Variants in MCF2 observed in about 807,000 individuals in gnomAD.
MCF2 encodes MCF.2 cell line derived transforming sequence, also known as proto-oncogene DBL.
In MCF2, 44 loss-of-function variants were observed where a neutral mutation model predicts 82.5. The ratio of observed to expected loss-of-function variants is 0.53; its 90% confidence interval spans 0.42 to 0.69. The LOEUF is 0.69. Among genes scored for constraint, MCF2 ranks in the 30% least tolerant of loss-of-function variants. MCF2 has a pLI of 0.00. For synonymous variants in MCF2, 217 were observed against 224.9 expected (o/e 0.96, Z 0.32); for missense variants, 623 against 663.1 (o/e 0.94, Z 0.66).
At chrX:139,605,053 T>C (rs1858924140) in intron 13 of MCF2, 69 bp from the exon 18 acceptor site, 4 of 496,167 alleles carry the variant, frequency 8.1e-6, no homozygotes, top group African/African-American at 7.1e-5. Flanking sequence ...CTACTAATGG[T>C]GTAGGTACAG....
chrX:139,606,049 T>A (rs1930984582), intron 12 of MCF2, among the ~76,000 whole-genome samples: 1 of 104,989 alleles, frequency 9.5e-6, no homozygotes, highest in South Asian at 4.2e-4. Flanking sequence ...CTTTCTTTCA[T>A]ATATATACAC....
chrX:139,629,210 C>T (rs895246536), intron 4 of MCF2, among the ~76,000 whole-genome samples: 2 of 111,947 alleles, frequency 1.8e-5, no homozygotes, highest in Non-Finnish European at 3.8e-5. Flanking sequence ...AAGCTACAAA[C>T]CTGTACAGCA....
chrX:139,638,737 A>C (rs1193739470), intron 1 of MCF2, among the ~76,000 whole-genome samples: 1 of 111,833 alleles, frequency 8.9e-6, no homozygotes, highest in Non-Finnish European at 1.9e-5. Flanking sequence ...ACAATTTGCA[A>C]CCTCTGAACC....
chrX:139,651,764 T>G (rs2057626884), exon 2 of MCF2: 1 of 1,157,514 alleles, frequency 8.6e-7, no homozygotes, highest in African/African-American at 1.8e-5. Flanking sequence ...ACTGATGTCC[T>G]TTATACGGAG....
At chrX:139,652,888 A>G (rs1216154818) in intron 1 of MCF2, among the ~76,000 whole-genome samples, 1 of 110,637 alleles carries the variant, frequency 9.0e-6, no homozygotes, top group Non-Finnish European at 1.9e-5. Flanking sequence ...TAAAAAAAAA[A>G]GTTCTCAATG....
intron 3 of MCF2, 24 bp downstream of exon 6, chrX:139,631,371 A>G: frequency 9.6e-6 from 9 of 940,742 alleles, no homozygotes; most frequent in Non-Finnish European, 1.4e-5. Context: ...TATAGGCTCT[A>G]CAGTAAGGGC....
intron 19 of MCF2, 41 bp downstream of exon 23, chrX:139,596,508 A>G: frequency 2.9e-6 from 3 of 1,046,039 alleles, no homozygotes; most frequent in Non-Finnish European, 4.0e-6. Flanking sequence ...AGACACACAC[A>G]CACGAAACAA....
chrX:139,626,349 C>CTGTTTTGT (rs1409591104), intron 5 of MCF2, 42 bp from the exon 9 acceptor site: 1 of 836,672 alleles, frequency 1.2e-6, no homozygotes, highest in Non-Finnish European at 1.8e-6. Context: ...AAGCAACTAT[C>CTGTTTTGT]TGTTTTGTAA....
At chrX:139,662,984 T>TA (rs1280099818) in intron 1 of MCF2, among the ~76,000 whole-genome samples, 1 of 112,380 alleles carries the variant, frequency 8.9e-6, no homozygotes, top group East Asian at 2.8e-4. Flanking sequence ...TTTCATTTTT[T>TA]ATGACCAAAT....
intron 15 of MCF2, among the ~76,000 whole-genome samples, chrX:139,604,415 T>A (rs1356735537): frequency 1.8e-5 from 2 of 110,436 alleles, no homozygotes; most frequent in Non-Finnish European, 3.8e-5. Flanking sequence ...ATTACTAGGA[T>A]TACCCAGGAG....
chrX:139,664,413 A>G (rs987063754), intron 1 of MCF2, among the ~76,000 whole-genome samples: 1 of 112,140 alleles, frequency 8.9e-6, no homozygotes, highest in African/African-American at 3.2e-5. Context: ...TACATGGAAT[A>G]TATTTTGTCC....
intron 19 of MCF2, among the ~76,000 whole-genome samples, chrX:139,593,162 T>C (rs1437248416): frequency 3.6e-5 from 4 of 112,230 alleles, no homozygotes; most frequent in African/African-American, 9.7e-5. Flanking sequence ...CTAGATTTTC[T>C]AGTTTATTTG....
intron 7 of MCF2, among the ~76,000 whole-genome samples, chrX:139,617,927 A>G (rs1291571472): frequency 9.0e-6 from 1 of 110,726 alleles, no homozygotes; most frequent in African/African-American, 3.3e-5. Context: ...TGCAGCAGTG[A>G]TGTCATTAGA....
chrX:139,652,312 G>C (rs1055260794), intron 1 of MCF2, among the ~76,000 whole-genome samples: 1 of 111,597 alleles, frequency 9.0e-6, no homozygotes, highest in Non-Finnish European at 1.9e-5. Flanking sequence ...TTCAAATCCA[G>C]CTTGTTGCAT....
intron 1 of MCF2, among the ~76,000 whole-genome samples, chrX:139,668,812 AC>A (rs757485998): frequency 1.3e-4 from 15 of 111,532 alleles, no homozygotes; most frequent in Non-Finnish European, 9.4e-5. Flanking sequence ...ACTGGGGAAA[AC>A]AAAAGTATTC....
At chrX:139,675,951 G>A (rs1934851853) in intron 1 of MCF2, among the ~76,000 whole-genome samples, 1 of 112,975 alleles carries the variant, frequency 8.9e-6, no homozygotes, top group Non-Finnish European at 1.9e-5. Flanking sequence ...AGAGGCAGCA[G>A]GCCTTGCTGA....
chrX:139,635,543 G>A (rs766430034), intron 1 of MCF2, among the ~76,000 whole-genome samples: 26 of 109,916 alleles, frequency 2.4e-4, no homozygotes, highest in East Asian at 5.8e-4. Flanking sequence ...TGTGGTCCCC[G>A]CTCCTGGGGA....
intron 6 of MCF2, among the ~76,000 whole-genome samples, chrX:139,622,394 G>T (rs1932454435): frequency 9.0e-6 from 1 of 111,672 alleles, no homozygotes; most frequent in African/African-American, 3.3e-5. Flanking sequence ...ATACCCAAAG[G>T]ATTATAAATC....
At chrX:139,696,293 CCTTT>C (rs1294617319) in intron 1 of MCF2, among the ~76,000 whole-genome samples, 5 of 94,297 alleles carry the variant, frequency 5.3e-5, no homozygotes, top group African/African-American at 1.1e-4. Context: ...TTCCTTCCTT[CCTTT>C]CTTTTTCTTT....
Sources: gnomAD v4.1 joint callset for allele counts (sites outside exome capture counted in the v4.1 genomes callset) on GRCh38, gnomAD v4.1.1 for gene constraint, MANE v1.5 for transcripts, NCBI Gene and HGNC (gene_info 2026-07-23, HGNC 2026-07-21) for gene names.